The following MYC variants were observed in gnomAD, a reference collection of about 807,000 sequenced individuals.
MYC encodes MYC proto-oncogene, bHLH transcription factor, also known as myc proto-oncogene protein.
MYC carries 1 observed loss-of-function variant against 30.5 expected under a neutral mutation model. The ratio of observed to expected loss-of-function variants is 0.03; its 90% CI spans 0.01 to 0.16. The LOEUF (loss-of-function observed/expected upper bound fraction) is 0.16, where lower values mean the gene tolerates loss of function less well. Among genes scored for constraint, MYC ranks in the 10% least tolerant of loss-of-function variants. MYC has a pLI of 1.00. For synonymous variants in MYC, 267 were observed against 250.7 expected (o/e 1.07, Z -0.62); for missense variants, 508 against 589.0 (o/e 0.86, Z 1.42).
rs749498067 is a variant in MYC at position 127,738,996 on chromosome 8, C to A, written c.779C>A (p.Pro260Gln). Residue 260 changes from proline to glutamine, a missense_variant, in exon 2 of 3, where the codon CCG becomes CAG. Physicochemically the swap from Pro to Gln is moderately conservative, Grantham distance 76. Transcript: ENST00000621592. This position sits in a 1 kb window ranked among gnomAD's most constrained non-coding sequence, Gnocchi z 7.6. ...CCCCTGGTGCTCCATGAGGAGACAC[C>A]GCCCACCACCAGCAGCGACTCTGGT... is the stretch of plus-strand genomic sequence containing the variant. The A allele has an allele frequency of 5.9e-6, 9 of 1,521,998 alleles. No homozygotes were observed. The highest frequency in any genetic ancestry group is 1.8e-6 in the Non-Finnish European group (2 of 1,141,846). 94.3% of individuals were successfully genotyped at this position (1,521,998 alleles called of 1,614,324 possible).
At chr8:127,737,804 G>A (rs1295883287) in intron 1 of MYC, among the ~76,000 whole-genome samples, 1 of 152,208 alleles carries the variant, frequency 6.6e-6, no homozygotes, top group African/African-American at 2.4e-5. Context: ...GGCGCGGAGC[G>A]GGGTTCACGC....
rs146523831 is a variant in MYC at position 127,740,571 on chromosome 8, G to C, written c.978G>C (p.Ala326=). 1.2e-6 allele frequency: 2 copies of C among 1,613,976 alleles called. No individual in the cohort carries two copies. Among genetic ancestry groups the C allele is most frequent in the East Asian group, 2.2e-5 (1 of 44,850 alleles). ...CCACACATCAGCACAACTACGCAGC[G>C]CCTCCCTCCACTCGGAAGGACTATC... Residue 326 remains alanine, a synonymous_variant, in exon 3 of 3, where the codon GCG becomes GCC. Transcript: ENST00000621592.
At chr8:127,739,212 G>A (rs1053407068) in intron 2 of MYC, among the ~76,000 whole-genome samples, 193 bp downstream of exon 2, 2 of 152,152 alleles carry the variant, frequency 1.3e-5, no homozygotes, top group African/African-American at 4.8e-5. Context: ...GACTGCCCAT[G>A]TTTGCAGCCC....
In MYC at chr8:127,736,486, G is replaced by A; in HGVS notation, c.-108G>A. On this transcript the variant is annotated 5_prime_UTR_variant, in exon 1 of 3. Coordinates refer to ENST00000621592, the MANE Select transcript of MYC (RefSeq NM_002467.6). The stretch of plus-strand genomic sequence containing the variant: ...CTGGAACTTACAACACCCGAGCAAG[G>A]ACGCGACTCTCCCGACGCGGGGAGG... 7.8e-7 allele frequency: 1 copy of A among 1,277,944 alleles called. No individual in the cohort carries two copies. The highest frequency in any genetic ancestry group is 1.1e-6 in the Non-Finnish European group (1 of 894,848). 79.2% of individuals were successfully genotyped at this position (1,277,944 alleles called of 1,614,324 possible).
rs565952481 is a variant in MYC, at chr8:127,742,855, C to A, written c.*1897C>A. On this transcript the variant is annotated 3_prime_UTR_variant, in exon 3 of 3. Coordinates refer to ENST00000621592, the MANE Select transcript of MYC (RefSeq NM_002467.6). The stretch of plus-strand genomic sequence containing the variant: ...AGGATGCTATTGCTGTTCTAATTAC[C>A]TCATTGTCTCAGTCTCAAAGTAGGT... 6.6e-6 allele frequency among the ~76,000 whole-genome samples: 1 copy of A among 152,104 alleles called. No individual in the cohort carries two copies. The highest frequency in any genetic ancestry group is 1.5e-5 in the Non-Finnish European group (1 of 68,012).
chr8:127,739,496 G>A (rs1208562855), intron 2 of MYC, among the ~76,000 whole-genome samples: 2 of 152,210 alleles, frequency 1.3e-5, no homozygotes, highest in Admixed American at 6.5e-5. Context: ...GGGCCTGCCT[G>A]AGTGCGGGAG....
chr8:127,737,628 C>A (rs1204823426), intron 1 of MYC, among the ~76,000 whole-genome samples: 1 of 151,404 alleles, frequency 6.6e-6, no homozygotes, highest in Non-Finnish European at 1.5e-5. Flanking sequence ...GCCACTCCAG[C>A]CGGCGAGAGA....
In MYC at chr8:127,739,038, G is replaced by A. The variant is rs772278526; in HGVS notation, c.802+19G>A. ...GACTCTGGTAAGCGAAGCCCGCCCA[G>A]GCCTGTCAAAAGTGGGCGGCTGGAT... On this transcript the variant is annotated intron_variant, in intron 2 of 2. Coordinates refer to ENST00000621592, the MANE Select transcript of MYC (RefSeq NM_002467.6). 1 of 1,477,680 alleles carries A rather than the reference G, an allele frequency of 6.8e-7. No homozygotes were observed. Among genetic ancestry groups the A allele is most frequent in the South Asian group, 1.4e-5 (1 of 72,282 alleles). The allele number at this position is 1,477,680 out of a possible 1,614,324, so 91.5% of individuals were successfully genotyped here.
chr8:127,741,619 T>A lies in MYC; in HGVS notation c.*661T>A, dbSNP rs1011269784. Among the ~76,000 whole-genome samples, 1 of 152,100 alleles carries A rather than the reference T, an allele frequency of 6.6e-6. No individual in the cohort carries two copies. The highest frequency in any genetic ancestry group is 2.4e-5 in the African/African-American group (1 of 41,418). ...CTAAGATGCTTCCTGGAGACTATGA[T>A]AACAGCCAGAGTTGACAGTTAGAAG... On this transcript the variant is annotated 3_prime_UTR_variant, in exon 3 of 3. Coordinates refer to ENST00000621592, the MANE Select transcript of MYC (RefSeq NM_002467.6).
upstream of MYC, chr8:127,735,871 A>C (rs1238434779): frequency 2.5e-6 from 1 of 398,112 alleles, no homozygotes; most frequent in East Asian, 3.6e-5. Flanking sequence ...CGGCTCTCTT[A>C]CTCTGTTTAC....
intron 2 of MYC, among the ~76,000 whole-genome samples, chr8:127,739,488 G>C (rs1813671289): frequency 6.6e-6 from 1 of 152,150 alleles, no homozygotes; most frequent in South Asian, 2.1e-4. Context: ...GCTAGGCAGG[G>C]CCTGCCTGAG....
chr8:127,736,533 A>T lies in MYC; in HGVS notation c.-61A>T, dbSNP rs2130083718. 2 of 1,596,606 alleles carry T rather than the reference A, an allele frequency of 1.3e-6. No individual in the cohort carries two copies. The highest frequency in any genetic ancestry group is 1.3e-5 in the African/African-American group (1 of 74,520). On this transcript the variant is annotated 5_prime_UTR_variant, in exon 1 of 3. Coordinates refer to ENST00000621592, the MANE Select transcript of MYC (RefSeq NM_002467.6). The stretch of plus-strand genomic sequence containing the variant: ...GAGGCTATTCTGCCCATTTGGGGAC[A>T]CTTCCCCGCCGCTGCCAGGACCCGC...
rs529667999 is a variant in MYC, at chr8:127,741,988, T to C, written c.*1030T>C. ...AGGAAATAGAAGAGCTCAAAGAGGTTATGTAACTTATCTGTAGCCACGCAG... is the reference window on the plus strand; with the variant it reads ...AGGAAATAGAAGAGCTCAAAGAGGTCATGTAACTTATCTGTAGCCACGCAG... On this transcript the variant is annotated 3_prime_UTR_variant, in exon 3 of 3. Coordinates refer to ENST00000621592, the MANE Select transcript of MYC (RefSeq NM_002467.6). 2.5e-4 allele frequency among the ~76,000 whole-genome samples: 38 copies of C among 152,334 alleles called. No individual in the cohort carries two copies. The highest frequency in any genetic ancestry group is 3.8e-4 in the Non-Finnish European group (26 of 68,028).
Position 127,738,833 on chromosome 8 carries a change from C to A in MYC, c.616C>A (p.Pro206Thr). The change falls in exon 2 of 3, where the codon CCC becomes ACC. Residue 206 changes from proline to threonine, a missense_variant. By Grantham distance (38) the Pro-to-Thr change is conservative. Coordinates refer to ENST00000621592, the MANE Select transcript of MYC (RefSeq NM_002467.6). This position sits in a 1 kb window ranked among gnomAD's most constrained non-coding sequence, Gnocchi z 7.6. ...CGCCGCCGCCTCAGAGTGCATCGAC[C>A]CCTCGGTGGTCTTCCCCTACCCTCT... 6.2e-7 allele frequency: 1 copy of A among 1,611,556 alleles called. No individual in the cohort carries two copies. The highest frequency in any genetic ancestry group is 8.5e-7 in the Non-Finnish European group (1 of 1,179,112).
At position 127,741,454 on chromosome 8, in the gene MYC, G is replaced by A. The variant is rs548284320; in HGVS notation, c.*496G>A. ...TCTTAAGTTGTGAATGTTTTGTTTC[G>A]TTTCTTCCCCCTCCCAACCACCACC... On this transcript the variant is annotated 3_prime_UTR_variant, in exon 3 of 3. Transcript: ENST00000621592. 3.8e-4 allele frequency: 80 copies of A among 211,368 alleles called. No homozygotes were observed. The highest frequency in any genetic ancestry group is 3.1e-3 in the Middle Eastern group (2 of 646). The allele number at this position is 211,368 out of a possible 1,614,324, so 13.1% of individuals were successfully genotyped here. A position where few individuals can be genotyped will look rare whatever the true frequency, so the allele number is the denominator to read the frequency against.
rs746689707 is a variant in MYC, at chr8:127,736,322, G to T, written c.-272G>T. ...CCGGGCGAGCAGAGCTGCGCTGCGG[G>T]CGTCCTGGGAAGGGAGATCCGGAGC... On this transcript the variant is annotated 5_prime_UTR_variant, in exon 1 of 3. Coordinates refer to ENST00000621592, the MANE Select transcript of MYC (RefSeq NM_002467.6). The T allele has an allele frequency of 5.1e-6, 3 of 586,998 alleles. 1 individual carries two copies. Among genetic ancestry groups the T allele is most frequent in the East Asian group, 2.8e-5 (1 of 35,244 alleles). The allele number at this position is 586,998 out of a possible 1,614,324, so 36.4% of individuals were successfully genotyped here. A position where few individuals can be genotyped will look rare whatever the true frequency, so the allele number is the denominator to read the frequency against.
upstream of MYC, chr8:127,735,844 C>T (rs1046254252): frequency 5.0e-6 from 2 of 398,770 alleles, no homozygotes; most frequent in Non-Finnish European, 8.8e-6. Flanking sequence ...ATGGTAGGCG[C>T]GCGTAGTTAA....
chr8:127,739,312 C>T (rs1014597969), intron 2 of MYC, among the ~76,000 whole-genome samples: 3 of 151,958 alleles, frequency 2.0e-5, no homozygotes, highest in African/African-American at 7.3e-5. Flanking sequence ...CTTCTTCTTA[C>T]CTCCCGTTAA....
rs1221550924 is a variant in MYC at position 127,738,915 on chromosome 8, C to T, written c.698C>T (p.Pro233Leu). 3.1e-6 allele frequency: 5 copies of T among 1,610,054 alleles called. No individual in the cohort carries two copies. The highest frequency in any genetic ancestry group is 1.6e-4 in the Middle Eastern group (1 of 6,062). The change falls in exon 2 of 3, where the codon CCG (proline) becomes CTG (leucine). Residue 233 changes from proline to leucine, a missense_variant. This residue lies in a region of MYC where 364 missense variants were observed against 381.1 expected (regional missense o/e 0.96). Coordinates refer to ENST00000621592, the MANE Select transcript of MYC (RefSeq NM_002467.6). This position sits in a 1 kb window ranked among gnomAD's most constrained non-coding sequence, Gnocchi z 7.6. ...TCGCAAGACTCCAGCGCCTTCTCTC[C>T]GTCCTCGGATTCTCTGCTCTCCTCG...
Sources: allele counts gnomAD v4.1 joint callset (sites outside exome capture counted in the v4.1 genomes callset), GRCh38; gene constraint gnomAD v4.1.1; regional missense constraint gnomAD v4.1.1; non-coding constraint Gnocchi (gnomAD v3.1); transcripts MANE v1.5; gene names NCBI Gene and HGNC (gene_info 2026-07-23, HGNC 2026-07-21).